Variants in GNL3L observed in about 807,000 individuals in gnomAD.
GNL3L encodes guanine nucleotide-binding protein-like 3-like protein.
GNL3L carries 4 observed loss-of-function variants against 42.9 expected under a neutral mutation model. The ratio of observed to expected loss-of-function variants is 0.09; its 90% CI spans 0.05 to 0.21. The LOEUF (loss-of-function observed/expected upper bound fraction) is 0.21, where lower values mean the gene tolerates loss of function less well. Ranked by LOEUF, GNL3L falls within the 10% of genes least tolerant of loss-of-function variation. The pLI is 1.00. For missense variants in GNL3L, 412 were observed against 481.7 expected (o/e 0.86, Z 1.36); for synonymous variants, 159 against 176.3 (o/e 0.90, Z 0.78).
At chrX:54,572,879 G>T (rs1383260320) in intron 16 of GNL3L, among the ~76,000 whole-genome samples, 1 of 105,115 alleles carries the variant, frequency 9.5e-6, no homozygotes, top group African/African-American at 3.4e-5. Context: ...GGTCGCAGCC[G>T]GGCAGAGGCG....
the GNL3L span, among the ~76,000 whole-genome samples, chrX:54,643,124 A>C: frequency 8.9e-6 from 1 of 111,986 alleles, no homozygotes; most frequent in Non-Finnish European, 1.9e-5. Flanking sequence ...TATAACACTT[A>C]ACATCTTCCT....
the GNL3L span, among the ~76,000 whole-genome samples, chrX:54,629,701 G>C: frequency 9.0e-6 from 1 of 111,125 alleles, no homozygotes; most frequent in South Asian, 3.8e-4. Flanking sequence ...TGTTCATCAG[G>C]GATATTGGTC....
chrX:54,610,062 A>G (rs758984532), intron 16 of GNL3L, among the ~76,000 whole-genome samples: 4 of 111,932 alleles, frequency 3.6e-5, no homozygotes, highest in Non-Finnish European at 7.5e-5. Context: ...GAGGTCTTTC[A>G]CATCCTTGGT....
chrX:54,545,699 TAAAC>T (rs1348920528), intron 8 of GNL3L, among the ~76,000 whole-genome samples: 4 of 111,197 alleles, frequency 3.6e-5, no homozygotes, highest in Non-Finnish European at 7.5e-5. Flanking sequence ...CATTGGATGT[TAAAC>T]TTATTTAAAA....
intron 16 of GNL3L, among the ~76,000 whole-genome samples, chrX:54,594,299 T>C (rs780113282): frequency 4.0e-4 from 45 of 111,580 alleles, no homozygotes; most frequent in Non-Finnish European, 6.8e-4. Context: ...GTTGAGTGCC[T>C]ATATATTTAA....
the GNL3L span, among the ~76,000 whole-genome samples, chrX:54,627,696 A>C: frequency 4.5e-5 from 5 of 111,265 alleles, no homozygotes; most frequent in East Asian, 1.4e-3. Context: ...AGTTTGATAT[A>C]TTGCATTTCT....
At chrX:54,594,744 TTTC>T (rs746114568) in intron 16 of GNL3L, among the ~76,000 whole-genome samples, 3 of 111,141 alleles carry the variant, frequency 2.7e-5, no homozygotes, top group African/African-American at 9.8e-5. Context: ...GATGATTTAA[TTTC>T]TTGCTTTTTA....
At chrX:54,642,536 TA>T in the GNL3L span, among the ~76,000 whole-genome samples, 45 of 110,369 alleles carry the variant, frequency 4.1e-4, no homozygotes, top group African/African-American at 1.4e-3. Context: ...TCTCTTTATT[TA>T]AAAAAAAATT....
the GNL3L span, among the ~76,000 whole-genome samples, chrX:54,642,820 C>T: frequency 8.9e-6 from 1 of 111,945 alleles, no homozygotes; most frequent in Non-Finnish European, 1.9e-5. Context: ...TGTCTGCCTC[C>T]TCTTCAGAAA....
At chrX:54,530,878 T>C (rs1924225123) in intron 1 of GNL3L, among the ~76,000 whole-genome samples, 1 of 111,182 alleles carries the variant, frequency 9.0e-6, no homozygotes, top group South Asian at 3.8e-4. Context: ...TAGAAACATT[T>C]AATATACAGA....
rs1184033921 is a variant in GNL3L, at chrX:54,561,516, T to G, written c.*914T>G. ...AAGCCTGGCTTGTGCTGAAGTGTGGTAGGCACTACCCTGTTTGCGTGAAGA... is the reference window on the plus strand; with the variant it reads ...AAGCCTGGCTTGTGCTGAAGTGTGGGAGGCACTACCCTGTTTGCGTGAAGA... On this transcript the variant is annotated 3_prime_UTR_variant, in exon 16 of 16. Transcript: ENST00000360845. Among the ~76,000 whole-genome samples, 2 of 112,186 alleles carry G rather than the reference T, an allele frequency of 1.8e-5. No homozygotes were observed. Among genetic ancestry groups the G allele is most frequent in the African/African-American group, 6.5e-5 (2 of 30,870 alleles).
downstream of GNL3L, among the ~76,000 whole-genome samples, chrX:54,570,395 T>C (rs1176663987): frequency 8.9e-6 from 1 of 112,035 alleles, no homozygotes; most frequent in Non-Finnish European, 1.9e-5. Context: ...AACTATGGTA[T>C]ATCTTTTTCA....
intron 8 of GNL3L, among the ~76,000 whole-genome samples, chrX:54,546,985 C>CTTTCTTTTTTT (rs939020295): frequency 9.5e-6 from 1 of 105,703 alleles, no homozygotes; most frequent in Non-Finnish European, 1.9e-5. Flanking sequence ...GCCGCCTTTT[C>CTTTCTTTTTTT]TTTCTTTTTT....
At chrX:54,551,472 C>A in intron 10 of GNL3L, 96 bp from the exon 11 acceptor site, 1 of 706,899 alleles carries the variant, frequency 1.4e-6, no homozygotes, top group Non-Finnish European at 2.2e-6. Context: ...TGCACCCTCC[C>A]CTCACTCCTT....
chrX:54,555,377 GCTTTTCATC>G (rs1925061157), intron 14 of GNL3L, among the ~76,000 whole-genome samples: 1 of 110,895 alleles, frequency 9.0e-6, no homozygotes, highest in Non-Finnish European at 1.9e-5. Context: ...CTTTTGACAA[GCTTTTCATC>G]CTTTTCATCC....
chrX:54,547,029 C>T (rs1601980981), intron 8 of GNL3L, among the ~76,000 whole-genome samples: 1 of 97,534 alleles, frequency 1.0e-5, no homozygotes, highest in African/African-American at 3.8e-5. Context: ...TGACGTCTCA[C>T]TCTATCTCCC....
intron 16 of GNL3L, among the ~76,000 whole-genome samples, chrX:54,586,187 C>T (rs1427677931): frequency 9.0e-6 from 1 of 111,325 alleles, no homozygotes; most frequent in Non-Finnish European, 1.9e-5. Flanking sequence ...GGGGGAGACT[C>T]TCCAATGCAG....
intron 16 of GNL3L, among the ~76,000 whole-genome samples, chrX:54,587,417 A>G (rs185432249): frequency 1.8e-5 from 2 of 111,481 alleles, no homozygotes; most frequent in African/African-American, 6.5e-5. Context: ...TATTTGCTTT[A>G]TATATGTGGG....
intron 2 of GNL3L, among the ~76,000 whole-genome samples, chrX:54,535,165 C>T (rs1468971690): frequency 8.9e-6 from 1 of 112,043 alleles, no homozygotes; most frequent in Non-Finnish European, 1.9e-5. Context: ...GTCACCCGGG[C>T]TGGAGTGCAA....
Sources: allele counts gnomAD v4.1 joint callset (sites outside exome capture counted in the v4.1 genomes callset), GRCh38; gene constraint gnomAD v4.1.1; transcripts MANE v1.5; gene names NCBI Gene and HGNC (gene_info 2026-07-23, HGNC 2026-07-21).